Variants in COP1 observed in about 807,000 individuals in gnomAD.
COP1 encodes E3 ubiquitin-protein ligase COP1.
In COP1, 24 loss-of-function variants were observed where a neutral mutation model predicts 101.3. That is an observed-to-expected ratio of 0.24 (90% CI 0.17 to 0.33). The LOEUF is 0.33. COP1 is among the 10% of genes least tolerant of loss of function. The probability of loss-of-function intolerance (pLI) is 1.00; values close to 1 mark genes in which losing one functional copy is unlikely to be tolerated. For missense variants in COP1, 663 were observed against 906.2 expected (o/e 0.73, Z 3.45); for synonymous variants, 347 against 341.9 (o/e 1.01, Z -0.17).
chr1:176,133,189 T>G (rs559320540), intron 8 of COP1, among the ~76,000 whole-genome samples: 24 of 130,814 alleles, frequency 1.8e-4, no homozygotes, highest in Admixed American at 7.0e-4. Context: ...CGTATATACG[T>G]ACGTATATGT....
intron 14 of COP1, among the ~76,000 whole-genome samples, chr1:176,030,020 T>C (rs1434465526): frequency 1.3e-5 from 2 of 152,096 alleles, no homozygotes; most frequent in Admixed American, 6.5e-5. Context: ...GGTATGATCA[T>C]AGCTCACTGC....
intron 15 of COP1, among the ~76,000 whole-genome samples, chr1:176,007,969 C>T (rs1663767296): frequency 1.3e-5 from 2 of 152,178 alleles, no homozygotes; most frequent in Admixed American, 1.3e-4. Context: ...AGTTTGATCT[C>T]AGACTGCTCT....
chr1:176,168,000 T>C (rs547490674), intron 3 of COP1, among the ~76,000 whole-genome samples: 14 of 152,214 alleles, frequency 9.2e-5, no homozygotes, highest in African/African-American at 3.4e-4. Context: ...GCAAGCATAC[T>C]GTATTTTTTA....
intron 14 of COP1, among the ~76,000 whole-genome samples, chr1:176,041,460 G>A (rs1469159893): frequency 6.6e-6 from 1 of 151,006 alleles, no homozygotes; most frequent in Non-Finnish European, 1.5e-5. Context: ...CAATTCTTGT[G>A]CTTCAGCCAC....
At chr1:176,178,314 C>A (rs1697237943) in intron 2 of COP1, among the ~76,000 whole-genome samples, 1 of 146,646 alleles carries the variant, frequency 6.8e-6, no homozygotes, top group African/African-American at 2.6e-5. Flanking sequence ...GCAGCCTGGG[C>A]AACATGGCAA....
intron 11 of COP1, among the ~76,000 whole-genome samples, chr1:176,053,628 C>A (rs1243085766): frequency 6.6e-6 from 1 of 152,088 alleles, no homozygotes; most frequent in Non-Finnish European, 1.5e-5. Context: ...CCAATAACTT[C>A]ACTCCCTCCT....
intron 18 of COP1, among the ~76,000 whole-genome samples, chr1:175,951,760 G>C (rs1401603008): frequency 6.6e-6 from 1 of 151,802 alleles, no homozygotes; most frequent in African/African-American, 2.4e-5. Context: ...AACTGAAGCA[G>C]ACAGGAAAAA....
intron 11 of COP1, among the ~76,000 whole-genome samples, chr1:176,067,102 G>GATA (rs1414595477): frequency 6.6e-6 from 1 of 152,114 alleles, no homozygotes; most frequent in African/African-American, 2.4e-5. Context: ...TATAATGGTA[G>GATA]ATATATGCCA....
intron 9 of COP1, among the ~76,000 whole-genome samples, chr1:176,087,278 A>G (rs1680392070): frequency 6.6e-6 from 1 of 152,250 alleles, no homozygotes; most frequent in South Asian, 2.1e-4. Flanking sequence ...TAAACTAAAG[A>G]GCTTCTGCAA....
At chr1:176,110,959 C>T in intron 9 of COP1, among the ~76,000 whole-genome samples, 1 of 152,152 alleles carries the variant, frequency 6.6e-6, no homozygotes, top group East Asian at 1.9e-4. Context: ...CGAGACCATC[C>T]TGGCCAACAT....
intron 5 of COP1, among the ~76,000 whole-genome samples, chr1:176,154,831 C>T (rs959191870): frequency 7.2e-5 from 11 of 151,886 alleles, no homozygotes; most frequent in African/African-American, 1.5e-4. Context: ...TAGACGATGA[C>T]GGTATTGGAA....
chr1:176,099,326 A>C (rs1308088860), intron 9 of COP1, among the ~76,000 whole-genome samples: 1 of 152,262 alleles, frequency 6.6e-6, no homozygotes, highest in Non-Finnish European at 1.5e-5. Context: ...CAAGCAAAAT[A>C]AGAGTTAACT....
chr1:176,026,284 GAACA>G lies in COP1; in HGVS notation c.1729+1284_1729+1287del, dbSNP rs1205172288. 3.9e-5 allele frequency among the ~76,000 whole-genome samples: 6 copies of G among 151,904 alleles called. No individual in the cohort carries two copies. The South Asian group carries it at 8.3e-4, about 21-fold the overall frequency. ...TGATGGCCAGTATGTTTATAAAACAGAACATACACTCAAACTCAATAAACTAAGA... is the reference window on the plus strand; with the variant it reads ...TGATGGCCAGTATGTTTATAAAACAGTACACTCAAACTCAATAAACTAAGA... On this transcript the variant is annotated intron_variant, in intron 15 of 19. Coordinates refer to ENST00000367669, the MANE Select transcript of COP1 (RefSeq NM_022457.7).
rs574761439 is a variant in COP1, at chr1:176,086,231, T to C, written c.1027-341A>G. ...TTTAGAATTTTGGGAATCTTTCTTT[T>C]TTTTTTTTTTTTGAGATGGAGTCTC... is the stretch of plus-strand genomic sequence containing the variant. On this transcript the variant is annotated intron_variant, in intron 9 of 19. Transcript: ENST00000367669. Among the ~76,000 whole-genome samples, 1,147 of 148,872 alleles carry C rather than the reference T, an allele frequency of 7.7e-3. 16 individuals carry two copies. The highest frequency in any genetic ancestry group is 0.026 in the African/African-American group (1,064 of 40,736).
chr1:176,150,730 CTATT>C (rs998818998), intron 5 of COP1, among the ~76,000 whole-genome samples: 1 of 152,182 alleles, frequency 6.6e-6, no homozygotes, highest in Non-Finnish European at 1.5e-5. Flanking sequence ...TCATTTCAAT[CTATT>C]AACTAGAATA....
chr1:175,972,332 C>T (rs1474860623), intron 18 of COP1, among the ~76,000 whole-genome samples: 1 of 152,018 alleles, frequency 6.6e-6, no homozygotes, highest in African/African-American at 2.4e-5. Context: ...AGAGGGAAAA[C>T]CAAGACGTAT....
At chr1:175,962,052 C>G (rs1403729380) in intron 18 of COP1, among the ~76,000 whole-genome samples, 2 of 152,104 alleles carry the variant, frequency 1.3e-5, no homozygotes, top group African/African-American at 4.8e-5. Flanking sequence ...ATTAATTTAT[C>G]TGTGAATTTT....
chr1:176,027,099 T>C (rs780326024), intron 15 of COP1, among the ~76,000 whole-genome samples: 3 of 152,202 alleles, frequency 2.0e-5, no homozygotes, highest in Admixed American at 6.5e-5. Flanking sequence ...TTTTGAATAC[T>C]ATGTTAGCAT....
intron 18 of COP1, among the ~76,000 whole-genome samples, chr1:175,955,250 AAAAAAG>A (rs897288895): frequency 4.2e-4 from 64 of 152,270 alleles, no homozygotes; most frequent in African/African-American, 1.4e-3. Context: ...CTCAAAACAA[AAAAAAG>A]AAAAAGTAAT....
Sources: gnomAD v4.1 joint callset for allele counts (sites outside exome capture counted in the v4.1 genomes callset) on GRCh38, gnomAD v4.1.1 for gene constraint, MANE v1.5 for transcripts, NCBI Gene and HGNC (gene_info 2026-07-23, HGNC 2026-07-21) for gene names.